Variants in MICU2 observed in about 807,000 individuals in gnomAD.
MICU2 encodes the protein calcium uptake protein 2, mitochondrial.
A neutral mutation model predicts 60.4 loss-of-function variants in MICU2; 64 were observed. The observed-to-expected ratio is 1.06, with a 90% CI of 0.87 to 1.31. The LOEUF is 1.31. Among genes scored for constraint, MICU2 ranks in the 50% most tolerant of loss-of-function variants. The probability of loss-of-function intolerance (pLI) is 0.00; values close to 1 mark genes in which losing one functional copy is unlikely to be tolerated. For synonymous variants in MICU2, 201 were observed against 175.0 expected (o/e 1.15, Z -1.17); for missense variants, 569 against 531.0 (o/e 1.07, Z -0.70).
At chr13:21,558,536 C>T (rs1887764146) in intron 2 of MICU2, among the ~76,000 whole-genome samples, 1 of 151,816 alleles carries the variant, frequency 6.6e-6, no homozygotes, top group African/African-American at 2.4e-5. Context: ...GGATCTTAGG[C>T]TTGAACTTCT....
At chr13:21,560,045 T>C (rs956457614) in intron 2 of MICU2, among the ~76,000 whole-genome samples, 3 of 152,192 alleles carry the variant, frequency 2.0e-5, no homozygotes, top group Non-Finnish European at 2.9e-5. Context: ...TGTCCCTTTT[T>C]TAAAAAAATT....
intron 2 of MICU2, among the ~76,000 whole-genome samples, chr13:21,564,539 C>T (rs951974978): frequency 2.6e-5 from 4 of 152,084 alleles, no homozygotes; most frequent in Non-Finnish European, 4.4e-5. Context: ...GTCTTTCAGT[C>T]GGACTGTGTG....
chr13:21,582,128 T>A (rs1888360826), intron 1 of MICU2, among the ~76,000 whole-genome samples: 1 of 152,094 alleles, frequency 6.6e-6, no homozygotes, highest in Non-Finnish European at 1.5e-5. Flanking sequence ...GAAATACGGG[T>A]GACAAGAGAC....
chr13:21,581,341 C>T (rs1888344340), intron 1 of MICU2, among the ~76,000 whole-genome samples: 1 of 152,176 alleles, frequency 6.6e-6, no homozygotes, highest in South Asian at 2.1e-4. Flanking sequence ...TAGTCTCAAA[C>T]TCCTGGCCTC....
intron 2 of MICU2, among the ~76,000 whole-genome samples, chr13:21,559,886 C>T (rs1241401583): frequency 2.0e-5 from 3 of 152,178 alleles, no homozygotes; most frequent in African/African-American, 7.2e-5. Flanking sequence ...TGCTGATCTA[C>T]ATTCTCTTCA....
intron 1 of MICU2, 160 bp downstream of exon 1, chr13:21,603,779 G>A (rs558320169): frequency 3.8e-6 from 3 of 790,332 alleles, no homozygotes; most frequent in South Asian, 3.7e-5. Flanking sequence ...GGCCGGTCCA[G>A]GAAGGAGCGA....
chr13:21,547,200 A>C (rs1037563787), intron 2 of MICU2, among the ~76,000 whole-genome samples: 1 of 152,162 alleles, frequency 6.6e-6, no homozygotes, highest in Non-Finnish European at 1.5e-5. Context: ...GGCAGCCACA[A>C]AGGTTCAAGG....
chr13:21,496,303 C>G (rs1377216972), intron 9 of MICU2, 143 bp from the exon 10 acceptor site: 1 of 639,184 alleles, frequency 1.6e-6, no homozygotes, highest in African/African-American at 1.9e-5. Flanking sequence ...GTCCCTTTCT[C>G]TCTGTGTGCA....
In MICU2 at chr13:21,496,248, G is replaced by C. The variant is rs983836858; in HGVS notation, c.934-88C>G. The C allele has an allele frequency of 6.7e-5, 63 of 933,870 alleles. No individual in the cohort carries two copies. In the East Asian group the frequency reaches 1.6e-3, roughly 23 times the overall value. 57.8% of individuals were successfully genotyped at this position (933,870 alleles called of 1,614,324 possible). Reference sequence around the variant, plus strand: ...ACTATGAACTTTCTTTTCTACCGTAGAGACTAGTATCATTCTAAGAGGAAG... The same window carrying C: ...ACTATGAACTTTCTTTTCTACCGTACAGACTAGTATCATTCTAAGAGGAAG... On this transcript the variant is annotated intron_variant, in intron 9 of 11. Coordinates refer to ENST00000382374, the MANE Select transcript of MICU2 (RefSeq NM_152726.3).
chr13:21,519,664 C>A (rs1157250943), intron 6 of MICU2, among the ~76,000 whole-genome samples: 2 of 152,204 alleles, frequency 1.3e-5, no homozygotes, highest in Non-Finnish European at 2.9e-5. Context: ...GGCTACATTA[C>A]TGATCTCCAG....
chr13:21,524,641 A>C (rs1886803502), intron 4 of MICU2, among the ~76,000 whole-genome samples: 1 of 152,206 alleles, frequency 6.6e-6, no homozygotes, highest in Non-Finnish European at 1.5e-5. Context: ...CATAACATAC[A>C]ATTTACCATT....
Position 21,521,243 on chromosome 13 carries a change from A to T in MICU2, c.597+2T>A. The T allele has an allele frequency of 6.3e-7, 1 of 1,595,066 alleles. No individual in the cohort carries two copies. The highest frequency in any genetic ancestry group is 8.5e-7 in the Non-Finnish European group (1 of 1,171,916). On this transcript the variant is annotated splice_donor_variant, in intron 6 of 11. Coordinates refer to ENST00000382374, the MANE Select transcript of MICU2 (RefSeq NM_152726.3). LOFTEE classifies it high-confidence loss of function. ...AACCTAAAATAATTAGCGTCCACTT[A>T]CCTTAAAAAATTCCCTTTTTTCAAT... is the stretch of plus-strand genomic sequence containing the variant.
At chr13:21,550,176 G>A (rs1242760427) in intron 2 of MICU2, among the ~76,000 whole-genome samples, 1 of 152,116 alleles carries the variant, frequency 6.6e-6, no homozygotes, top group East Asian at 1.9e-4. Flanking sequence ...CAGACATTTT[G>A]GTTTTCCAAA....
At chr13:21,565,084 A>G (rs1397336264) in intron 2 of MICU2, among the ~76,000 whole-genome samples, 1 of 152,214 alleles carries the variant, frequency 6.6e-6, no homozygotes, top group Non-Finnish European at 1.5e-5. Flanking sequence ...ACAACGTCCA[A>G]GTGCTTTACC....
intron 1 of MICU2, among the ~76,000 whole-genome samples, chr13:21,581,057 G>C (rs1888337184): frequency 6.6e-6 from 1 of 152,176 alleles, no homozygotes; most frequent in Non-Finnish European, 1.5e-5. Flanking sequence ...AAAATTAGCA[G>C]TAATATAGTG....
chr13:21,519,495 AG>A (rs1371938833), intron 6 of MICU2, among the ~76,000 whole-genome samples: 1 of 152,236 alleles, frequency 6.6e-6, no homozygotes, highest in Non-Finnish European at 1.5e-5. Flanking sequence ...GCTCCTTCTC[AG>A]GTTCATTCGT....
At chr13:21,542,296 C>A (rs968258050) in intron 2 of MICU2, among the ~76,000 whole-genome samples, 4 of 152,210 alleles carry the variant, frequency 2.6e-5, no homozygotes, top group Non-Finnish European at 5.9e-5. Flanking sequence ...CTTTTTTCTC[C>A]CTACAGCAGT....
chr13:21,565,668 C>CAAACAA (rs990694093), intron 2 of MICU2, among the ~76,000 whole-genome samples: 2 of 151,106 alleles, frequency 1.3e-5, no homozygotes, highest in African/African-American at 4.9e-5. Flanking sequence ...AAAAAACAAA[C>CAAACAA]AAACAAAAAC....
chr13:21,511,746 AT>A (rs1054005675), intron 7 of MICU2, among the ~76,000 whole-genome samples: 1 of 151,778 alleles, frequency 6.6e-6, no homozygotes, highest in Non-Finnish European at 1.5e-5. Context: ...CTCCATTTCC[AT>A]TATGTTGTCA....
Sources: gnomAD v4.1 joint callset for allele counts (sites outside exome capture counted in the v4.1 genomes callset) on GRCh38, gnomAD v4.1.1 for gene constraint, MANE v1.5 for transcripts, NCBI Gene and HGNC (gene_info 2026-07-23, HGNC 2026-07-21) for gene names.